GRM1: variants seen among roughly 807,000 people sequenced by gnomAD.
GRM1 encodes the protein glutamate metabotropic receptor 1.
GRM1 carries 33 observed loss-of-function variants against 90.9 expected under a neutral mutation model. The observed-to-expected ratio is 0.36, with a 90% CI of 0.28 to 0.49. The LOEUF is 0.49. GRM1 is among the 20% of genes least tolerant of loss of function. GRM1 has a pLI of 0.99. For synonymous variants in GRM1, 700 were observed against 613.2 expected (o/e 1.14, Z -2.09); for missense variants, 1,190 against 1,534.3 (o/e 0.78, Z 3.75).
At chr6:146,109,817 C>T (rs185640111) in intron 1 of GRM1, among the ~76,000 whole-genome samples, 120 of 152,324 alleles carry the variant, frequency 7.9e-4, no homozygotes, top group South Asian at 1.9e-3. Flanking sequence ...CATGCATCAG[C>T]GTGATCTGGA....
chr6:146,418,192 G>T (rs371974194), intron 7 of GRM1, among the ~76,000 whole-genome samples: 3 of 151,992 alleles, frequency 2.0e-5, no homozygotes, highest in Non-Finnish European at 2.9e-5. Context: ...CTTAGTAGCT[G>T]TTCATATCTT....
intron 1 of GRM1, among the ~76,000 whole-genome samples, chr6:146,058,064 A>G (rs1305302747): frequency 1.3e-5 from 2 of 152,096 alleles, no homozygotes; most frequent in Admixed American, 1.3e-4. Context: ...GTCTCTCTGG[A>G]CTTCTTCCAG....
chr6:146,216,480 T>C (rs892061151), intron 2 of GRM1, among the ~76,000 whole-genome samples: 1 of 152,222 alleles, frequency 6.6e-6, no homozygotes, highest in African/African-American at 2.4e-5. Context: ...TACATTGTCA[T>C]CTTCTTTTGA....
intron 1 of GRM1, among the ~76,000 whole-genome samples, chr6:146,099,848 T>C (rs1583001001): frequency 6.6e-6 from 1 of 152,186 alleles, no homozygotes; most frequent in Admixed American, 6.5e-5. Context: ...TTTTGAACAA[T>C]ATGTCTTGGT....
At chr6:146,274,039 T>C (rs949362960) in intron 2 of GRM1, among the ~76,000 whole-genome samples, 1 of 152,268 alleles carries the variant, frequency 6.6e-6, no homozygotes, top group Non-Finnish European at 1.5e-5. Context: ...CAATCGTTTT[T>C]GTATTATAGC....
intron 1 of GRM1, among the ~76,000 whole-genome samples, chr6:146,114,625 T>C (rs1369685480): frequency 6.6e-6 from 1 of 152,172 alleles, no homozygotes; most frequent in East Asian, 1.9e-4. Context: ...AAACTGTTTA[T>C]TGTACAATAG....
intron 2 of GRM1, among the ~76,000 whole-genome samples, chr6:146,256,690 T>C (rs1363521427): frequency 2.6e-5 from 4 of 152,164 alleles, no homozygotes; most frequent in African/African-American, 9.7e-5. Context: ...GTGGTGACCC[T>C]GTGGACCTTC....
At chr6:146,136,495 T>G (rs1776626399) in intron 1 of GRM1, among the ~76,000 whole-genome samples, 4 of 152,244 alleles carry the variant, frequency 2.6e-5, no homozygotes, top group Admixed American at 2.6e-4. Flanking sequence ...GATCTCTTTG[T>G]AGTTTTGACT....
intron 1 of GRM1, among the ~76,000 whole-genome samples, chr6:146,092,127 G>T (rs962563322): frequency 1.3e-5 from 2 of 152,094 alleles, no homozygotes; most frequent in East Asian, 1.9e-4. Context: ...ATTTGTCATA[G>T]TTTTAGAGGC....
intron 1 of GRM1, among the ~76,000 whole-genome samples, chr6:146,123,065 C>T (rs7751915): frequency 0.4 from 60,681 of 151,382 alleles, 12,463 homozygotes; most frequent in Middle Eastern, 0.54. Flanking sequence ...AGCTGGTCTC[C>T]AACTCCTGAC....
chr6:146,057,856 T>C (rs1013683836), intron 1 of GRM1, among the ~76,000 whole-genome samples: 1 of 152,128 alleles, frequency 6.6e-6, no homozygotes, highest in African/African-American at 2.4e-5. Context: ...GTTTGACTTT[T>C]TAATTTTTTT....
At chr6:146,269,298 A>G (rs1276474966) in intron 2 of GRM1, among the ~76,000 whole-genome samples, 1 of 152,242 alleles carries the variant, frequency 6.6e-6, no homozygotes, top group East Asian at 1.9e-4. Flanking sequence ...TTCAATAATC[A>G]GTGTCTAACT....
chr6:146,359,800 T>A (rs1351440617), intron 5 of GRM1, among the ~76,000 whole-genome samples: 3 of 152,102 alleles, frequency 2.0e-5, no homozygotes, highest in Non-Finnish European at 2.9e-5. Flanking sequence ...TCGAAGGAGA[T>A]CCCAGAAGTT....
At chr6:146,108,960 G>C (rs971784252) in intron 1 of GRM1, among the ~76,000 whole-genome samples, 2 of 152,158 alleles carry the variant, frequency 1.3e-5, no homozygotes, top group Non-Finnish European at 2.9e-5. Context: ...TCTGGCAGAA[G>C]AAATTTTTAA....
chr6:146,319,865 CTGAGTCGATGGGGTTTTCT>C (rs1784108381), intron 3 of GRM1, among the ~76,000 whole-genome samples: 1 of 152,148 alleles, frequency 6.6e-6, no homozygotes, highest in Non-Finnish European at 1.5e-5. Flanking sequence ...AGTTTTTGGG[CTGAGTCGATGGGGTTTTCT>C]AAATATACAA....
intron 3 of GRM1, among the ~76,000 whole-genome samples, chr6:146,308,180 G>A (rs530756685): frequency 9.1e-4 from 139 of 152,260 alleles, no homozygotes; most frequent in African/African-American, 3.2e-3. Flanking sequence ...AGCTGATAGG[G>A]TGTAGCATTT....
chr6:146,173,098 T>C (rs1335803410), intron 2 of GRM1, among the ~76,000 whole-genome samples: 1 of 151,936 alleles, frequency 6.6e-6, no homozygotes, highest in African/African-American at 2.4e-5. Flanking sequence ...ACTGGAAAAC[T>C]CTTGATTTTG....
chr6:146,270,908 T>TC (rs1782119129), intron 2 of GRM1, among the ~76,000 whole-genome samples: 1 of 104,394 alleles, frequency 9.6e-6, no homozygotes, highest in African/African-American at 4.9e-5. Flanking sequence ...TTTCTTTCTT[T>TC]CTTTCTTCCT....
intron 2 of GRM1, among the ~76,000 whole-genome samples, chr6:146,265,987 G>A (rs957855602): frequency 7.2e-5 from 11 of 152,202 alleles, no homozygotes; most frequent in South Asian, 4.2e-4. Flanking sequence ...TCAGGAGAGC[G>A]AGACCATCTT....
Sources: allele counts gnomAD v4.1 joint callset (sites outside exome capture counted in the v4.1 genomes callset), GRCh38; gene constraint gnomAD v4.1.1; transcripts MANE v1.5; gene names NCBI Gene and HGNC (gene_info 2026-07-23, HGNC 2026-07-21).